Variants in KCNJ3 observed in about 807,000 individuals in gnomAD.
The protein encoded by KCNJ3 is potassium inwardly rectifying channel subfamily J member 3, also known as G protein-activated inward rectifier potassium channel 1.
In KCNJ3, 4 loss-of-function variants were observed where a neutral mutation model predicts 39.2. The ratio of observed to expected loss-of-function variants is 0.10; its 90% CI spans 0.05 to 0.23. The LOEUF is 0.23. Among genes scored for constraint, KCNJ3 ranks in the 10% least tolerant of loss-of-function variants. The pLI is 1.00. For synonymous variants in KCNJ3, 230 were observed against 237.4 expected, an observed-to-expected ratio of 0.97 and a Z score of 0.29; for missense variants, 276 against 634.9, an observed-to-expected ratio of 0.43 and a Z score of 6.08.
Position 154,698,766 on chromosome 2 carries a change from C to A in KCNJ3, c.-10C>A. ...GCTTCGCGTTTGAATCTGGCTCGCC[C>A]CTTCGTATTATGTCTGCACTCCGAA... On this transcript the variant is annotated 5_prime_UTR_variant, in exon 1 of 3. Transcript: ENST00000295101. The A allele has an allele frequency of 1.4e-5, 22 of 1,596,276 alleles. No individual in the cohort carries two copies. Among genetic ancestry groups the A allele is most frequent in the Non-Finnish European group, 1.9e-5 (22 of 1,166,218 alleles).
intron 2 of KCNJ3, among the ~76,000 whole-genome samples, chr2:154,829,505 C>G (rs965997950): frequency 3.3e-5 from 5 of 152,126 alleles, no homozygotes; most frequent in Non-Finnish European, 5.9e-5. Context: ...GTATATGTAT[C>G]ACACTTTTAA....
At chr2:154,850,029 T>C (rs1687731254) in intron 2 of KCNJ3, among the ~76,000 whole-genome samples, 1 of 130,856 alleles carries the variant, frequency 7.6e-6, no homozygotes, top group Admixed American at 7.6e-5. Context: ...TTTTTTTTTT[T>C]TTTTTTTTTT....
chr2:154,809,124 C>T (rs1003789357), intron 2 of KCNJ3, among the ~76,000 whole-genome samples: 4 of 152,068 alleles, frequency 2.6e-5, no homozygotes, highest in Non-Finnish European at 2.9e-5. Flanking sequence ...CCCCACCCCA[C>T]GAGCTCATTC....
At chr2:154,741,913 A>T (rs1467029586) in intron 2 of KCNJ3, among the ~76,000 whole-genome samples, 2 of 151,964 alleles carry the variant, frequency 1.3e-5, no homozygotes, top group African/African-American at 4.8e-5. Context: ...TTAACTATTT[A>T]AAATATACAA....
chr2:154,802,011 G>T (rs973677863), intron 2 of KCNJ3, among the ~76,000 whole-genome samples: 13 of 152,066 alleles, frequency 8.5e-5, no homozygotes, highest in African/African-American at 3.1e-4. Flanking sequence ...TCATTTTCTT[G>T]CTATTAATGT....
chr2:154,804,503 TAGTC>T (rs1418361117), intron 2 of KCNJ3, among the ~76,000 whole-genome samples: 3 of 152,122 alleles, frequency 2.0e-5, no homozygotes, highest in Non-Finnish European at 4.4e-5. Context: ...TGGGAGGAAA[TAGTC>T]AGGTGAGTAA....
intron 2 of KCNJ3, among the ~76,000 whole-genome samples, chr2:154,768,321 T>A (rs1321490660): frequency 1.3e-5 from 2 of 152,226 alleles, no homozygotes; most frequent in Non-Finnish European, 2.9e-5. Flanking sequence ...TGGTTTTAGG[T>A]CTAACATGTA....
chr2:154,823,058 G>T (rs1687211674), intron 2 of KCNJ3, among the ~76,000 whole-genome samples: 1 of 151,790 alleles, frequency 6.6e-6, no homozygotes, highest in Non-Finnish European at 1.5e-5. Context: ...TTCTTTTTAT[G>T]AAGAGTACAT....
At chr2:154,733,958 AT>A (rs947213649) in intron 2 of KCNJ3, among the ~76,000 whole-genome samples, 4 of 152,100 alleles carry the variant, frequency 2.6e-5, no homozygotes, top group African/African-American at 9.7e-5. Context: ...AGCATCCAAG[AT>A]TTATGAGTCC....
At chr2:154,718,154 T>C (rs1477663555) in intron 2 of KCNJ3, among the ~76,000 whole-genome samples, 1 of 152,218 alleles carries the variant, frequency 6.6e-6, no homozygotes, top group Non-Finnish European at 1.5e-5. Flanking sequence ...CATCTCAAAG[T>C]AGGTTCTTCC....
chr2:154,787,973 A>G (rs1686563682), intron 2 of KCNJ3, among the ~76,000 whole-genome samples: 1 of 152,158 alleles, frequency 6.6e-6, no homozygotes, highest in Non-Finnish European at 1.5e-5. Context: ...CTTTGATGAG[A>G]CAGAAGAGTG....
chr2:154,705,668 A>ACAT (rs1684996103), intron 1 of KCNJ3, among the ~76,000 whole-genome samples: 2 of 152,184 alleles, frequency 1.3e-5, no homozygotes, highest in Admixed American at 6.5e-5. Flanking sequence ...TTATTAAATG[A>ACAT]CATCTGTATT....
At chr2:154,705,902 G>T (rs1031236188) in intron 1 of KCNJ3, among the ~76,000 whole-genome samples, 16 of 151,942 alleles carry the variant, frequency 1.1e-4, no homozygotes, top group Admixed American at 2.0e-4. Context: ...TCCTTCCCAA[G>T]ATTCTATAAA....
intron 2 of KCNJ3, among the ~76,000 whole-genome samples, chr2:154,838,742 G>T (rs1487670372): frequency 3.9e-5 from 6 of 152,120 alleles, no homozygotes; most frequent in Non-Finnish European, 8.8e-5. Context: ...CAAGGCTTTA[G>T]TAATCTTTGA....
intron 2 of KCNJ3, among the ~76,000 whole-genome samples, chr2:154,736,142 T>G (rs1384406563): frequency 6.6e-6 from 1 of 152,074 alleles, no homozygotes; most frequent in Non-Finnish European, 1.5e-5. Context: ...GTGCTCCTCT[T>G]TCCTCTCTTG....
chr2:154,778,623 C>G (rs922625422), intron 2 of KCNJ3, among the ~76,000 whole-genome samples: 1 of 152,008 alleles, frequency 6.6e-6, no homozygotes, highest in Non-Finnish European at 1.5e-5. Flanking sequence ...AATTGAGCAC[C>G]ATGTAAATGG....
rs1289782130 is a variant in KCNJ3 at position 154,699,845 on chromosome 2, T to C, written c.702+368T>C. Among the ~76,000 whole-genome samples, 5 of 152,190 alleles carry C rather than the reference T, an allele frequency of 3.3e-5. No homozygotes were observed. The highest frequency in any genetic ancestry group is 2.9e-5 in the Non-Finnish European group (2 of 68,028). On this transcript the variant is annotated intron_variant, in intron 1 of 2. Transcript: ENST00000295101. The surrounding 1 kb of genome is among the most constrained non-coding windows in gnomAD (Gnocchi z 6.4). ...GCGATTTTATTTGTTGTCTACACAC[T>C]ACCCCATTCAATGCGAGGTACTAGA...
At chr2:154,722,263 T>C (rs1372310459) in intron 2 of KCNJ3, among the ~76,000 whole-genome samples, 1 of 151,954 alleles carries the variant, frequency 6.6e-6, no homozygotes, top group Non-Finnish European at 1.5e-5. Flanking sequence ...AATAAGAAAG[T>C]CTAAGGGTCT....
intron 2 of KCNJ3, among the ~76,000 whole-genome samples, chr2:154,839,395 ATG>A (rs375837909): frequency 6.6e-6 from 1 of 152,054 alleles, no homozygotes; most frequent in Admixed American, 6.6e-5. Context: ...CAATAAACAT[ATG>A]TGTGTGTGTG....
Sources: allele counts gnomAD v4.1 joint callset (sites outside exome capture counted in the v4.1 genomes callset), GRCh38; gene constraint gnomAD v4.1.1; non-coding constraint Gnocchi (gnomAD v3.1); transcripts MANE v1.5; gene names NCBI Gene and HGNC (gene_info 2026-07-23, HGNC 2026-07-21).